VWC2: variants seen among roughly 807,000 people sequenced by gnomAD.
VWC2 encodes the protein brorin.
VWC2 carries 14 observed loss-of-function variants against 29.8 expected under a neutral mutation model. The observed-to-expected ratio is 0.47, with a 90% CI of 0.31 to 0.74. The LOEUF (loss-of-function observed/expected upper bound fraction) is 0.74. Among genes scored for constraint, VWC2 ranks in the 30% least tolerant of loss-of-function variants. VWC2 has a pLI of 0.05. For missense variants in VWC2, 457 were observed against 459.8 expected (o/e 0.99, Z 0.05); for synonymous variants, 213 against 199.0 (o/e 1.07, Z -0.59).
intron 3 of VWC2, among the ~76,000 whole-genome samples, chr7:49,874,180 C>CCACA (rs139144140): frequency 4.0e-5 from 6 of 149,532 alleles, no homozygotes; most frequent in African/African-American, 1.2e-4. Flanking sequence ...ATGCACACAC[C>CCACA]CACACACACA....
chr7:49,858,627 C>T (rs1790523811), intron 3 of VWC2, among the ~76,000 whole-genome samples: 2 of 151,476 alleles, frequency 1.3e-5, no homozygotes, highest in African/African-American at 2.4e-5. Context: ...ATGGGTGCAG[C>T]ACACCAACAC....
rs554391483 is a variant in VWC2 at position 49,778,007 on chromosome 7, C to T, written c.696+1876C>T. Among the ~76,000 whole-genome samples, 8 of 150,756 alleles carry T rather than the reference C, an allele frequency of 5.3e-5. No homozygotes were observed. In the South Asian group the frequency reaches 1.5e-3, roughly 28 times the overall value. On this transcript the variant is annotated intron_variant, in intron 2 of 3. Transcript: ENST00000340652. ...TTCATAGTAATTTTCTGGAATTGTC[C>T]TTAGAAGTAAACTGAGGAATTAGTA...
intron 3 of VWC2, among the ~76,000 whole-genome samples, chr7:49,897,133 G>T (rs1193638323): frequency 6.6e-6 from 1 of 151,840 alleles, no homozygotes; most frequent in Non-Finnish European, 1.5e-5. Flanking sequence ...CTGACCTCAT[G>T]ATCCACCCGC....
chr7:49,883,111 G>A (rs1455069284), intron 3 of VWC2, among the ~76,000 whole-genome samples: 1 of 152,056 alleles, frequency 6.6e-6, no homozygotes. Flanking sequence ...TTTCCCAAAA[G>A]AAACAACTTT....
chr7:49,859,184 G>A (rs1212169680), intron 3 of VWC2, among the ~76,000 whole-genome samples: 7 of 152,152 alleles, frequency 4.6e-5, no homozygotes, highest in Non-Finnish European at 7.4e-5. Context: ...AATACCTTTA[G>A]GAGTTTTTAA....
At chr7:49,808,274 T>G (rs551838697) in intron 3 of VWC2, among the ~76,000 whole-genome samples, 1 of 152,198 alleles carries the variant, frequency 6.6e-6, no homozygotes, top group South Asian at 2.1e-4. Flanking sequence ...TATCTAATTT[T>G]AAAAGGCAGT....
chr7:49,825,634 T>C (rs146263726), intron 3 of VWC2, among the ~76,000 whole-genome samples: 1 of 152,348 alleles, frequency 6.6e-6, no homozygotes, highest in East Asian at 1.9e-4. Flanking sequence ...CCCAGCCATT[T>C]TCTGTTTCCT....
Position 49,846,687 on chromosome 7 carries a change from C to T in VWC2, c.826+43847C>T, listed in dbSNP as rs978766495. On this transcript the variant is annotated intron_variant, in intron 3 of 3. Coordinates refer to ENST00000340652, the MANE Select transcript of VWC2 (RefSeq NM_198570.5). The stretch of plus-strand genomic sequence containing the variant: ...ACAGAGACGTTTTCATCACAGTATC[C>T]ACTGTGCCTAAAGAGCAAAGAGCAG... Among the ~76,000 whole-genome samples, 11 of 152,286 alleles carry T rather than the reference C, an allele frequency of 7.2e-5. No individual in the cohort carries two copies. In the East Asian group the frequency reaches 1.2e-3, roughly 16 times the overall value.
At chr7:49,889,489 C>A (rs1221081908) in intron 3 of VWC2, among the ~76,000 whole-genome samples, 2 of 152,268 alleles carry the variant, frequency 1.3e-5, no homozygotes, top group African/African-American at 4.8e-5. Context: ...AAAATCAGGG[C>A]AGCTAAGACA....
intron 3 of VWC2, among the ~76,000 whole-genome samples, chr7:49,812,554 A>G (rs1159443352): frequency 6.6e-6 from 1 of 152,200 alleles, no homozygotes; most frequent in African/African-American, 2.4e-5. Context: ...TAAAATAGAA[A>G]CTTTAGACAA....
chr7:49,782,784 T>G (rs1223721285), intron 2 of VWC2, among the ~76,000 whole-genome samples: 2 of 151,564 alleles, frequency 1.3e-5, no homozygotes, highest in African/African-American at 4.9e-5. Context: ...AGCCCAAGAA[T>G]TTGAGGTTGC....
intron 3 of VWC2, among the ~76,000 whole-genome samples, chr7:49,817,155 C>G (rs1255206209): frequency 6.6e-6 from 1 of 152,330 alleles, no homozygotes; most frequent in South Asian, 2.1e-4. Context: ...AGGCAAGGCC[C>G]TCTGTTCTTT....
chr7:49,862,010 A>T (rs1395058724), intron 3 of VWC2, among the ~76,000 whole-genome samples: 1 of 152,186 alleles, frequency 6.6e-6, no homozygotes, highest in African/African-American at 2.4e-5. Flanking sequence ...CCATTTCCAT[A>T]AAAAATGGTT....
At chr7:49,788,428 T>C (rs1214344904) in intron 2 of VWC2, among the ~76,000 whole-genome samples, 1 of 151,436 alleles carries the variant, frequency 6.6e-6, no homozygotes, top group Non-Finnish European at 1.5e-5. Flanking sequence ...AGCACTGTAG[T>C]TCTGTTTTCC....
intron 3 of VWC2, among the ~76,000 whole-genome samples, chr7:49,827,453 A>ATTTTATAT (rs1789425755): frequency 1.1e-4 from 1 of 8,744 alleles, no homozygotes; most frequent in South Asian, 5.0e-3. Context: ...AAATGGTCCT[A>ATTTTATAT]TTGGAGAATA....
chr7:49,836,464 G>GA (rs34464968), intron 3 of VWC2, among the ~76,000 whole-genome samples: 45,475 of 117,570 alleles, frequency 0.39, 9,056 homozygotes, highest in Middle Eastern at 0.49. Flanking sequence ...CTCTGTCTCT[G>GA]AAAAAAAAAA....
chr7:49,799,540 T>C lies in VWC2; in HGVS notation c.697-3171T>C, dbSNP rs551689180. Among the ~76,000 whole-genome samples, 96 of 152,320 alleles carry C rather than the reference T, an allele frequency of 6.3e-4. 1 individual carries two copies. The highest frequency in any genetic ancestry group is 5.8e-4 in the East Asian group (3 of 5,188). ...GGCCCAAACCTGGGATGGGAGTACA[T>C]AGGAGCCCAGCATGGGTGCTGGTGA... On this transcript the variant is annotated intron_variant, in intron 2 of 3. Coordinates refer to ENST00000340652, the MANE Select transcript of VWC2 (RefSeq NM_198570.5).
At chr7:49,801,270 G>T (rs546329564) in intron 2 of VWC2, among the ~76,000 whole-genome samples, 1 of 152,330 alleles carries the variant, frequency 6.6e-6, no homozygotes, top group East Asian at 1.9e-4. Context: ...TCATGGACGT[G>T]GGGCACACAA....
chr7:49,828,486 C>T (rs1789453391), intron 3 of VWC2, among the ~76,000 whole-genome samples: 1 of 152,088 alleles, frequency 6.6e-6, no homozygotes, highest in Non-Finnish European at 1.5e-5. Flanking sequence ...CTCCTACCAG[C>T]AATATGTGAG....
Sources: gnomAD v4.1 joint callset for allele counts (sites outside exome capture counted in the v4.1 genomes callset) on GRCh38, gnomAD v4.1.1 for gene constraint, MANE v1.5 for transcripts, NCBI Gene and HGNC (gene_info 2026-07-23, HGNC 2026-07-21) for gene names.